The following CIB4 variants were observed in gnomAD, a reference collection of about 807,000 sequenced individuals.
CIB4 encodes the protein calcium and integrin binding family member 4, also known as calcium and integrin-binding family member 4.
In CIB4, 25 loss-of-function variants were observed where a neutral mutation model predicts 25.8. The ratio of observed to expected loss-of-function variants is 0.97; its 90% CI spans 0.71 to 1.35. CIB4 has a LOEUF of 1.35. Ranked by LOEUF, CIB4 falls within the 40% of genes most tolerant of loss-of-function variation. The pLI, the probability that CIB4 is intolerant of heterozygous loss-of-function variation, is 0.00. For synonymous variants in CIB4, 75 were observed against 81.4 expected, an observed-to-expected ratio of 0.92 and a Z score of 0.42; for missense variants, 235 against 228.2, an observed-to-expected ratio of 1.03 and a Z score of -0.19.
intron 3 of CIB4, among the ~76,000 whole-genome samples, chr2:26,602,614 G>A (rs1000538866): frequency 6.6e-6 from 1 of 152,134 alleles, no homozygotes; most frequent in Non-Finnish European, 1.5e-5. Context: ...GTATACATGG[G>A]TTAGTATACA....
chr2:26,628,966 T>A (rs1207867989), intron 3 of CIB4, among the ~76,000 whole-genome samples: 1 of 152,122 alleles, frequency 6.6e-6, no homozygotes, highest in Non-Finnish European at 1.5e-5. Context: ...GTGGGGTCAC[T>A]GGGGTGAGGG....
chr2:26,592,150 T>C (rs1449047004), intron 4 of CIB4, among the ~76,000 whole-genome samples: 1 of 152,244 alleles, frequency 6.6e-6, no homozygotes, highest in Non-Finnish European at 1.5e-5. Flanking sequence ...GGCATTTACA[T>C]AGGTAAGTTT....
intron 3 of CIB4, among the ~76,000 whole-genome samples, chr2:26,607,644 G>A (rs1034532785): frequency 1.3e-5 from 2 of 152,172 alleles, no homozygotes; most frequent in Non-Finnish European, 2.9e-5. Flanking sequence ...AAAACACCTG[G>A]CACTGCCAGG....
intron 3 of CIB4, among the ~76,000 whole-genome samples, chr2:26,601,725 G>A (rs533585106): frequency 1.3e-5 from 2 of 151,984 alleles, no homozygotes; most frequent in Admixed American, 1.3e-4. Context: ...ACAATGAAAA[G>A]GCAAGCCATA....
rs539399865 is a variant in CIB4 at position 26,619,208 on chromosome 2, A to G, written c.186+10202T>C. On this transcript the variant is annotated intron_variant, in intron 3 of 6. Transcript: ENST00000288861. The stretch of plus-strand genomic sequence containing the variant: ...CCCTCTGGGGATGAAATCAAAGGAA[A>G]GAGGAGTGACATTTCCCAGGAGTCT... Among the ~76,000 whole-genome samples the G allele has an allele frequency of 1.2e-4, 19 of 152,286 alleles. No individual in the cohort carries two copies. The South Asian group carries it at 3.7e-3, about 30-fold the overall frequency.
chr2:26,612,835 T>C (rs1409003580), intron 3 of CIB4, among the ~76,000 whole-genome samples: 1 of 151,812 alleles, frequency 6.6e-6, no homozygotes, highest in Non-Finnish European at 1.5e-5. Flanking sequence ...AAGGGGGAGG[T>C]TCTGCATCAA....
At position 26,589,040 on chromosome 2, in the gene CIB4, T is replaced by TC. The variant is rs1285290836; in HGVS notation, c.329-5143dup. On this transcript the variant is annotated intron_variant, in intron 4 of 6. Transcript: ENST00000288861. ...TTCTTCTTCTTCTTCTTCTTCTTCTTCTTCTTCTTCTTCTTCTTCCTCTTC... is the reference window on the plus strand; with the variant it reads ...TTCTTCTTCTTCTTCTTCTTCTTCTTCCTTCTTCTTCTTCTTCTTCCTCTTC... Among the ~76,000 whole-genome samples the TC allele has an allele frequency of 3.9e-4, 19 of 48,748 alleles. 2 individuals carry two copies. Among genetic ancestry groups the TC allele is most frequent in the African/African-American group, 1.5e-3 (18 of 11,840 alleles). 32.0% of individuals were successfully genotyped at this position (48,748 alleles called of 152,430 possible).
chr2:26,595,755 G>A (rs1176709394), intron 3 of CIB4, among the ~76,000 whole-genome samples: 3 of 152,240 alleles, frequency 2.0e-5, no homozygotes, highest in Non-Finnish European at 1.5e-5. Context: ...CACTGCCCAA[G>A]CGCATAGCCA....
At chr2:26,583,679 C>A (rs1668394499) in intron 5 of CIB4, 110 bp downstream of exon 5, 1 of 735,014 alleles carries the variant, frequency 1.4e-6, no homozygotes, top group Non-Finnish European at 2.5e-6. Context: ...CTGCCTCAGG[C>A]TGGCCCTGGG....
intron 3 of CIB4, among the ~76,000 whole-genome samples, chr2:26,621,472 G>A (rs1297834800): frequency 6.6e-6 from 1 of 152,144 alleles, no homozygotes; most frequent in Non-Finnish European, 1.5e-5. Flanking sequence ...GGCTGAGGCA[G>A]GAGAATTACT....
At chr2:26,589,120 T>TTCTTCC (rs1668533498) in intron 4 of CIB4, among the ~76,000 whole-genome samples, 1 of 119,988 alleles carries the variant, frequency 8.3e-6, no homozygotes, top group African/African-American at 4.4e-5. Flanking sequence ...CTTCTTCTTC[T>TTCTTCC]TCTTCTTCTT....
intron 3 of CIB4, among the ~76,000 whole-genome samples, chr2:26,597,828 G>A (rs527573718): frequency 6.6e-6 from 1 of 152,036 alleles, no homozygotes; most frequent in Admixed American, 6.5e-5. Flanking sequence ...CTGGGGAAGG[G>A]GAGGGACTCA....
chr2:26,628,644 A>G (rs1344456572), intron 3 of CIB4, among the ~76,000 whole-genome samples: 1 of 152,212 alleles, frequency 6.6e-6, no homozygotes, highest in Non-Finnish European at 1.5e-5. Flanking sequence ...GCAAGAGCAG[A>G]AATGCAAGCA....
intron 4 of CIB4, among the ~76,000 whole-genome samples, chr2:26,588,991 TTC>T (rs1558554526): frequency 1.5e-3 from 9 of 6,082 alleles, no homozygotes; most frequent in African/African-American, 4.2e-3. Context: ...CTTCTTCTTC[TTC>T]TTCTTCTTCT....
chr2:26,602,503 G>A (rs1430299210), intron 3 of CIB4, among the ~76,000 whole-genome samples: 1 of 152,158 alleles, frequency 6.6e-6, no homozygotes, highest in African/African-American at 2.4e-5. Context: ...CAAGAGGGAA[G>A]GCTAGATATG....
chr2:26,584,297 C>T (rs1353340908), intron 4 of CIB4, among the ~76,000 whole-genome samples: 1 of 152,176 alleles, frequency 6.6e-6, no homozygotes, highest in Non-Finnish European at 1.5e-5. Context: ...ATATCCACCC[C>T]TGCGCTTTGC....
Position 26,606,551 on chromosome 2 carries a change from G to A in CIB4, c.187-11234C>T, listed in dbSNP as rs115310417. 9.4e-3 allele frequency among the ~76,000 whole-genome samples: 1,433 copies of A among 152,286 alleles called. 17 individuals are homozygous for A. The highest frequency in any genetic ancestry group is 0.025 in the African/African-American group (1,042 of 41,560). ...TTCCAGGGAATAAAAATGTGAAGGA[G>A]GAGAAGGCAGCAGTGGGGTTTAACT... On this transcript the variant is annotated intron_variant, in intron 3 of 6. Transcript: ENST00000288861.
intron 2 of CIB4, among the ~76,000 whole-genome samples, chr2:26,634,470 C>T (rs949160411): frequency 5.3e-5 from 8 of 152,198 alleles, no homozygotes; most frequent in Admixed American, 3.3e-4. Flanking sequence ...GCCACGTAAT[C>T]GGTGCTGACC....
At chr2:26,625,001 A>G (rs929289281) in intron 3 of CIB4, among the ~76,000 whole-genome samples, 15 of 152,160 alleles carry the variant, frequency 9.9e-5, no homozygotes, top group Non-Finnish European at 1.9e-4. Context: ...GCATTGCATC[A>G]CAACATCTCA....
Sources: gnomAD v4.1 joint callset for allele counts (sites outside exome capture counted in the v4.1 genomes callset) on GRCh38, gnomAD v4.1.1 for gene constraint, MANE v1.5 for transcripts, NCBI Gene and HGNC (gene_info 2026-07-23, HGNC 2026-07-21) for gene names.